The following ROPN1L variants were observed in gnomAD, a reference collection of about 807,000 sequenced individuals.
The protein encoded by ROPN1L is ropporin-1-like protein.
In ROPN1L, 23 loss-of-function variants were observed where a neutral mutation model predicts 22.7. The ratio of observed to expected loss-of-function variants is 1.01; its 90% CI spans 0.73 to 1.43. The LOEUF is 1.43. ROPN1L is among the 40% of genes most tolerant of loss of function. The probability of loss-of-function intolerance (pLI) is 0.00; values close to 1 mark genes in which losing one functional copy is unlikely to be tolerated. For synonymous variants in ROPN1L, 116 were observed against 117.8 expected (o/e 0.98, Z 0.10); for missense variants, 271 against 291.5 (o/e 0.93, Z 0.51).
intron 1 of ROPN1L, among the ~76,000 whole-genome samples, chr5:10,447,000 A>G (rs1741088956): frequency 6.6e-6 from 1 of 152,212 alleles, no homozygotes; most frequent in Non-Finnish European, 1.5e-5. Flanking sequence ...AACAAAGTCA[A>G]ATTTGAGGGG....
chr5:10,468,299 C>G (rs1304360590), downstream of ROPN1L, among the ~76,000 whole-genome samples: 3 of 152,246 alleles, frequency 2.0e-5, no homozygotes, highest in Non-Finnish European at 4.4e-5. Context: ...ATATCTTGCT[C>G]TAACACCTGA....
intron 1 of ROPN1L, among the ~76,000 whole-genome samples, chr5:10,447,899 A>G (rs1397247982): frequency 1.3e-5 from 2 of 152,188 alleles, no homozygotes; most frequent in Non-Finnish European, 2.9e-5. Context: ...TAGGAAAAAA[A>G]AAGAAAGAAT....
At chr5:10,452,788 C>T (rs778842884) in intron 3 of ROPN1L, among the ~76,000 whole-genome samples, 1 of 152,120 alleles carries the variant, frequency 6.6e-6, no homozygotes, top group Non-Finnish European at 1.5e-5. Flanking sequence ...TTATAGTTTT[C>T]ACCTTCCTAA....
At chr5:10,453,352 C>T (rs1033694011) in intron 3 of ROPN1L, among the ~76,000 whole-genome samples, 1 of 152,092 alleles carries the variant, frequency 6.6e-6, no homozygotes, top group Admixed American at 6.5e-5. Flanking sequence ...AGGAGGTGCT[C>T]GGACCCTCCA....
Position 10,442,211 on chromosome 5 carries a change from T to C in ROPN1L, c.44T>C (p.Ile15Thr), listed in dbSNP as rs1740904587. Residue 15 changes from isoleucine to threonine, a missense_variant, in exon 1 of 5, where the codon ATT (isoleucine) becomes ACT (threonine). Physicochemically the swap from Ile to Thr is moderately conservative, Grantham distance 89. Transcript: ENST00000274134. ...ATGTTCTGCGCTCAGCAGATCCACA[T>C]TCCCCCGGAGCTGCCGGACATCCTG... ...DTMFCAQQIH[I>T]PPELPDILKQ... 1.2e-6 allele frequency: 2 copies of C among 1,613,702 alleles called. No homozygotes were observed. The highest frequency in any genetic ancestry group is 4.5e-5 in the East Asian group (2 of 44,868).
rs1191139234 is a variant in ROPN1L at position 10,441,964 on chromosome 5, C to T, written c.-204C>T. 1.2e-5 allele frequency: 7 copies of T among 598,304 alleles called. No homozygotes were observed. The highest frequency in any genetic ancestry group is 9.4e-4 in the Middle Eastern group (2 of 2,138). 37.1% of individuals were successfully genotyped at this position (598,304 alleles called of 1,614,324 possible). A position where few individuals can be genotyped will look rare whatever the true frequency, so the allele number is the denominator to read the frequency against. The stretch of plus-strand genomic sequence containing the variant: ...AGGGTCTAGGGTGTTGTCGGAGTGG[C>T]AGTTGGTCCGAATTTCTCCCGAAGC... On this transcript the variant is annotated 5_prime_UTR_variant, in exon 1 of 5. Coordinates refer to ENST00000274134, the MANE Select transcript of ROPN1L (RefSeq NM_031916.5).
intron 3 of ROPN1L, among the ~76,000 whole-genome samples, chr5:10,456,299 C>A (rs984686262): frequency 2.0e-5 from 3 of 152,138 alleles, no homozygotes; most frequent in Non-Finnish European, 4.4e-5. Context: ...CCAGCCTGAC[C>A]AACATAGTGA....
At chr5:10,470,157 C>T (rs764546368) in intron 4 of ROPN1L, among the ~76,000 whole-genome samples, 8 of 152,096 alleles carry the variant, frequency 5.3e-5, no homozygotes, top group Non-Finnish European at 1.5e-5. Flanking sequence ...TCTCAGAGGT[C>T]GATGAAACCC....
chr5:10,450,435 G>A (rs919356789), intron 3 of ROPN1L, among the ~76,000 whole-genome samples: 1 of 152,132 alleles, frequency 6.6e-6, no homozygotes, highest in Non-Finnish European at 1.5e-5. Flanking sequence ...TAACTGTTTT[G>A]CTCATCTGTG....
intron 3 of ROPN1L, among the ~76,000 whole-genome samples, chr5:10,453,467 C>T (rs983260897): frequency 6.6e-6 from 1 of 152,018 alleles, no homozygotes; most frequent in Non-Finnish European, 1.5e-5. Context: ...TTCTTCATGT[C>T]GTTCAGCGTC....
intron 4 of ROPN1L, among the ~76,000 whole-genome samples, chr5:10,462,264 T>G (rs1387836665): frequency 2.0e-5 from 3 of 152,064 alleles, no homozygotes; most frequent in Non-Finnish European, 2.9e-5. Context: ...GGAGCGGGGG[T>G]TGAAGACCAA....
chr5:10,460,623 G>A (rs972764677), intron 3 of ROPN1L, among the ~76,000 whole-genome samples: 1 of 152,270 alleles, frequency 6.6e-6, no homozygotes, highest in Non-Finnish European at 1.5e-5. Flanking sequence ...CTGTTCTGGA[G>A]CTGAGACAGA....
chr5:10,481,286 G>T, the ROPN1L span, among the ~76,000 whole-genome samples: 2 of 152,244 alleles, frequency 1.3e-5, no homozygotes, highest in Non-Finnish European at 2.9e-5. Flanking sequence ...GTTACTCCCA[G>T]TTCCCAGGAG....
chr5:10,469,412 A>G (rs1431836036), downstream of ROPN1L, among the ~76,000 whole-genome samples: 1 of 151,678 alleles, frequency 6.6e-6, no homozygotes, highest in Non-Finnish European at 1.5e-5. Flanking sequence ...GCTTGAGCCC[A>G]GGAAGTTGAG....
In ROPN1L at chr5:10,450,114, G is replaced by A; in HGVS notation, c.417+1G>A. 5 of 1,606,668 alleles carry A rather than the reference G, an allele frequency of 3.1e-6. No individual in the cohort carries two copies. Among genetic ancestry groups the A allele is most frequent in the Non-Finnish European group, 2.5e-6 (3 of 1,177,176 alleles). On this transcript the variant is annotated splice_donor_variant, in intron 3 of 4. Transcript: ENST00000274134. LOFTEE classifies it high-confidence loss of function. The stretch of plus-strand genomic sequence containing the variant: ...GCTTGGATGCAGCATGCTTGGTGGG[G>A]TATGTACCTATAAACAGCATATTAA...
chr5:10,459,621 C>T (rs1188582749), intron 3 of ROPN1L, among the ~76,000 whole-genome samples: 3 of 152,140 alleles, frequency 2.0e-5, no homozygotes, highest in Non-Finnish European at 4.4e-5. Flanking sequence ...GTTTCTGGAG[C>T]ACACAGAAGT....
At chr5:10,463,789 AGTAG>A (rs1735096333) in intron 4 of ROPN1L, among the ~76,000 whole-genome samples, 1 of 152,132 alleles carries the variant, frequency 6.6e-6, no homozygotes, top group South Asian at 2.1e-4. Context: ...ATTTTAAGAC[AGTAG>A]GTCATGTTCA....
rs377225851 is a variant in ROPN1L, at chr5:10,461,267, G to A, written c.501G>A (p.Thr167=). The change falls in exon 4 of 5, where the codon ACG becomes ACA. Residue 167 remains threonine (T), a synonymous_variant. Transcript: ENST00000274134. Reference sequence around the variant, plus strand: ...GGCCCGCTCGCATCCCCTTCAAGACGTTTTCCTACGTTTACCGCTACTTGG... The same window carrying A: ...GGCCCGCTCGCATCCCCTTCAAGACATTTTCCTACGTTTACCGCTACTTGG... ...EGGPARIPFK[T]FSYVYRYLAR... is the part of the protein sequence containing the mutation. 7.4e-6 allele frequency: 12 copies of A among 1,614,010 alleles called. No homozygotes were observed. Among genetic ancestry groups the A allele is most frequent in the Non-Finnish European group, 9.3e-6 (11 of 1,180,034 alleles).
Position 10,442,210 on chromosome 5 carries a change from A to T in ROPN1L, c.43A>T (p.Ile15Phe). ...DTMFCAQQIH[I>F]PPELPDILKQ... ...CATGTTCTGCGCTCAGCAGATCCAC[A>T]TTCCCCCGGAGCTGCCGGACATCCT... Residue 15 changes from isoleucine to phenylalanine, a missense_variant, in exon 1 of 5, where the codon ATT becomes TTT. Transcript: ENST00000274134. 6.2e-7 allele frequency: 1 copy of T among 1,613,812 alleles called. No individual in the cohort carries two copies.
Sources: allele counts gnomAD v4.1 joint callset (sites outside exome capture counted in the v4.1 genomes callset), GRCh38; gene constraint gnomAD v4.1.1; transcripts MANE v1.5; gene names NCBI Gene and HGNC (gene_info 2026-07-23, HGNC 2026-07-21).